EML2: variants seen among roughly 807,000 people sequenced by gnomAD.
EML2 encodes the protein EMAP like 2, also known as echinoderm microtubule-associated protein-like 2.
In EML2, 59 loss-of-function variants were observed where a neutral mutation model predicts 84.7. The ratio of observed to expected loss-of-function variants is 0.70; its 90% CI spans 0.56 to 0.86. The LOEUF is 0.86. EML2 is among the 40% of genes least tolerant of loss of function. EML2 has a pLI of 0.00. For synonymous variants in EML2, 352 were observed against 348.9 expected (o/e 1.01, Z -0.10); for missense variants, 818 against 855.6 (o/e 0.96, Z 0.55).
Position 45,624,750 on chromosome 19 carries a change from GT to G in EML2, c.809del (p.Asp270AlafsTer124). 1.9e-6 allele frequency: 3 copies of G among 1,613,910 alleles called. No individual in the cohort carries two copies. The highest frequency in any genetic ancestry group is 2.5e-6 in the Non-Finnish European group (3 of 1,179,938). On this transcript the variant is annotated frameshift_variant, in exon 9 of 19. Transcript: ENST00000245925. LOFTEE classifies it high-confidence loss of function. ...FLEGGDVVTG[D>X]SGGNLYVWGK... ...CCCAAACATAGAGGTTCCCCCCAGAGTCCCCCGTGACCACGTCGCCACCTTC... is the reference window on the plus strand; with the variant it reads ...CCCAAACATAGAGGTTCCCCCCAGAGCCCCCGTGACCACGTCGCCACCTTC...
upstream of EML2, chr19:45,642,038 C>T: frequency 6.9e-7 from 1 of 1,443,010 alleles, no homozygotes; most frequent in Non-Finnish European, 9.1e-7. Flanking sequence ...CAAGAGCTGA[C>T]ACACTGGAGG....
chr19:45,621,635 C>A lies in EML2; in HGVS notation c.844G>T (p.Gly282Trp). 6.2e-7 allele frequency: 1 copy of A among 1,606,912 alleles called. No individual in the cohort carries two copies. The highest frequency in any genetic ancestry group is 1.1e-5 in the South Asian group (1 of 90,968). Reference sequence around the variant, plus strand: ...AGCACCGCCTGTGTGATACGGTTCCCACCTGCAGGGTGGCCAGGGGCAGGG... The same window carrying A: ...AGCACCGCCTGTGTGATACGGTTCCAACCTGCAGGGTGGCCAGGGGCAGGG... ...GGNLYVWGKG[G>W]NRITQAVLGA... Residue 282 changes from glycine (G) to tryptophan (W), a missense_variant and splice_region_variant, in exon 10 of 19, where the codon GGG (glycine) becomes TGG (tryptophan). Physicochemically the swap from Gly to Trp is radical, Grantham distance 184 (BLOSUM62 -2). Transcript: ENST00000245925.
chr19:45,626,982 C>G, intron 7 of EML2, 143 bp from the exon 8 acceptor site: 1 of 678,152 alleles, frequency 1.5e-6, no homozygotes, highest in Non-Finnish European at 2.2e-6. Context: ...TTTTTCAGGG[C>G]AGAGTCTCAC....
intron 9 of EML2, among the ~76,000 whole-genome samples, chr19:45,623,960 C>T (rs1196858091): frequency 6.6e-6 from 1 of 152,222 alleles, no homozygotes; most frequent in African/African-American, 2.4e-5. Flanking sequence ...GCTAGGATTA[C>T]AGGCATGAGC....
chr19:45,622,403 G>A (rs755710910), intron 9 of EML2, among the ~76,000 whole-genome samples: 32 of 151,918 alleles, frequency 2.1e-4, no homozygotes, highest in Admixed American at 6.6e-4. Flanking sequence ...GCCCTCTCTC[G>A]TTTTGTTTTG....
intron 17 of EML2, 45 bp downstream of exon 17, chr19:45,614,560 C>A: frequency 6.4e-7 from 1 of 1,555,252 alleles, no homozygotes; most frequent in South Asian, 1.1e-5. Flanking sequence ...GGATGTCTCT[C>A]AGAACTACTG....
intron 8 of EML2, among the ~76,000 whole-genome samples, chr19:45,625,232 A>G (rs954585129): frequency 3.3e-5 from 5 of 151,450 alleles, no homozygotes; most frequent in Non-Finnish European, 5.9e-5. Flanking sequence ...TGGCCGGCTA[A>G]TTTTGTTTTG....
At chr19:45,636,016 G>C (rs757017315) in intron 3 of EML2, among the ~76,000 whole-genome samples, 9 of 152,056 alleles carry the variant, frequency 5.9e-5, no homozygotes, top group African/African-American at 2.2e-4. Flanking sequence ...CCCTAAATCC[G>C]ATCACAAGTG....
At chr19:45,610,930 T>C (rs138444162) in intron 18 of EML2, among the ~76,000 whole-genome samples, 61 of 152,254 alleles carry the variant, frequency 4.0e-4, no homozygotes, top group African/African-American at 1.3e-3. Flanking sequence ...AGCATGCACG[T>C]GGGGAAGGCT....
intron 3 of EML2, among the ~76,000 whole-genome samples, chr19:45,634,711 G>A (rs900840849): frequency 2.6e-5 from 4 of 151,616 alleles, no homozygotes; most frequent in Non-Finnish European, 4.4e-5. Context: ...ACAGGCGCCC[G>A]CCACCATGCC....
In EML2 at chr19:45,637,587, T is replaced by C. The variant is rs1600218260; in HGVS notation, c.179+918A>G. On this transcript the variant is annotated intron_variant, in intron 3 of 18. Coordinates refer to ENST00000245925, the MANE Select transcript of EML2 (RefSeq NM_012155.4). The stretch of plus-strand genomic sequence containing the variant: ...TCGACCTCCCAGGCTCAAGTGATGC[T>C]CCCACCTCAGCCTCCAGAGTAGCTG... Among the ~76,000 whole-genome samples the C allele has an allele frequency of 7.6e-5, 11 of 144,212 alleles. 1 individual carries two copies. The South Asian group carries it at 2.3e-3, about 31-fold the overall frequency. 94.6% of individuals were successfully genotyped at this position (144,212 alleles called of 152,430 possible).
intron 3 of EML2, among the ~76,000 whole-genome samples, chr19:45,636,909 T>G (rs1391852038): frequency 2.0e-5 from 3 of 152,270 alleles, no homozygotes; most frequent in African/African-American, 7.2e-5. Context: ...ATCGTGCCAC[T>G]GCACTCTAGC....
intron 6 of EML2, among the ~76,000 whole-genome samples, chr19:45,631,505 G>A (rs1427010666): frequency 4.6e-5 from 7 of 151,868 alleles, no homozygotes; most frequent in South Asian, 2.1e-4. Context: ...TGCTACCTCC[G>A]CCTCCCAGGT....
At chr19:45,634,500 A>C in intron 3 of EML2, 29 bp from the exon 4 acceptor site, 2 of 1,578,276 alleles carry the variant, frequency 1.3e-6, no homozygotes, top group South Asian at 1.2e-5. Flanking sequence ...TGGTTAAGGA[A>C]TGTGTTTTGT....
At chr19:45,633,442 T>C (rs1973317252) in intron 4 of EML2, among the ~76,000 whole-genome samples, 1 of 146,780 alleles carries the variant, frequency 6.8e-6, no homozygotes, top group Non-Finnish European at 1.5e-5. Flanking sequence ...AGGAATTGTC[T>C]GGAGTGCCTA....
chr19:45,621,425 C>T (rs1179453512), intron 10 of EML2, 58 bp downstream of exon 10: 16 of 1,583,588 alleles, frequency 1.0e-5, no homozygotes, highest in Non-Finnish European at 1.3e-5. Flanking sequence ...CGTTGGGAGC[C>T]CTGGTGAGAT....
At chr19:45,640,231 GTTTTT>G (rs1974296999), upstream of EML2, 1 of 152,112 alleles carries the variant, frequency 6.6e-6, no homozygotes, top group Non-Finnish European at 1.5e-5. Flanking sequence ...GTTTTGTTTT[GTTTTT>G]GATACAGGGT....
At chr19:45,643,353 G>A (rs957847784), upstream of EML2, among the ~76,000 whole-genome samples, 1 of 152,186 alleles carries the variant, frequency 6.6e-6, no homozygotes, top group Non-Finnish European at 1.5e-5. Context: ...CAAGGGAGAT[G>A]CAGACCGGAT....
upstream of EML2, chr19:45,645,039 C>T: frequency 1.7e-6 from 1 of 595,628 alleles, no homozygotes. Flanking sequence ...GCCCCCTTCT[C>T]TCCTCTCCGT....
Sources: allele counts gnomAD v4.1 joint callset (sites outside exome capture counted in the v4.1 genomes callset), GRCh38; gene constraint gnomAD v4.1.1; transcripts MANE v1.5; gene names NCBI Gene and HGNC (gene_info 2026-07-23, HGNC 2026-07-21).